Variants in TSNARE1 observed in about 807,000 individuals in gnomAD.
The protein encoded by TSNARE1 is t-SNARE domain containing 1.
Under a neutral mutation model 62.0 loss-of-function variants are expected in TSNARE1, and 49 were observed. The ratio of observed to expected loss-of-function variants is 0.79; its 90% CI spans 0.63 to 1.00. The LOEUF (loss-of-function observed/expected upper bound fraction) is 1.00. Among genes scored for constraint, TSNARE1 ranks in the 50% least tolerant of loss-of-function variants. The probability of loss-of-function intolerance (pLI) is 0.00; values close to 1 mark genes in which losing one functional copy is unlikely to be tolerated. For missense variants in TSNARE1, 755 were observed against 700.1 expected, an observed-to-expected ratio of 1.08 and a Z score of -0.88; for synonymous variants, 328 against 294.4, an observed-to-expected ratio of 1.11 and a Z score of -1.17.
At chr8:142,394,815 T>C (rs1162708667) in intron 1 of TSNARE1, among the ~76,000 whole-genome samples, 1 of 152,162 alleles carries the variant, frequency 6.6e-6, no homozygotes, top group Non-Finnish European at 1.5e-5. Flanking sequence ...CCAGCGTGCC[T>C]GTCCACGTCC....
chr8:142,216,200 C>T (rs1234900383), intron 13 of TSNARE1, among the ~76,000 whole-genome samples: 3 of 152,224 alleles, frequency 2.0e-5, no homozygotes, highest in African/African-American at 7.2e-5. Flanking sequence ...GAAGCTCCCA[C>T]CTCTGCCATG....
At chr8:142,226,556 T>C (rs529222499) in intron 13 of TSNARE1, among the ~76,000 whole-genome samples, 359 of 152,306 alleles carry the variant, frequency 2.4e-3, no homozygotes, top group Middle Eastern at 6.8e-3. Context: ...GACAGGATTC[T>C]GTCCAGACTC....
At chr8:142,242,817 C>T (rs1236683069) in intron 12 of TSNARE1, among the ~76,000 whole-genome samples, 4 of 152,032 alleles carry the variant, frequency 2.6e-5, no homozygotes, top group Admixed American at 1.3e-4. Context: ...CTAAAATTAA[C>T]TGGGCGTGGT....
At chr8:142,382,056 G>A (rs1208636051) in intron 1 of TSNARE1, among the ~76,000 whole-genome samples, 1 of 152,142 alleles carries the variant, frequency 6.6e-6, no homozygotes, top group East Asian at 1.9e-4. Context: ...CCGTTCCCAG[G>A]CCCACGCGCC....
Position 142,216,536 on chromosome 8 carries a change from C to T in TSNARE1, c.*12-4223G>A, listed in dbSNP as rs146419740. 1.5e-3 allele frequency among the ~76,000 whole-genome samples: 222 copies of T among 152,262 alleles called. 1 individual carries two copies. Among genetic ancestry groups the T allele is most frequent in the African/African-American group, 5.2e-3 (214 of 41,550 alleles). On this transcript the variant is annotated intron_variant, in intron 13 of 13. Transcript: ENST00000524325. Reference sequence around the variant, plus strand: ...TCAGGGAGATGAGGCTGGAGGGTGTCGGCCTCCCGGCCTGGCACAGCAGCA... The same window carrying T: ...TCAGGGAGATGAGGCTGGAGGGTGTTGGCCTCCCGGCCTGGCACAGCAGCA...
chr8:142,257,195 G>C (rs1478090767), intron 12 of TSNARE1, among the ~76,000 whole-genome samples: 1 of 152,176 alleles, frequency 6.6e-6, no homozygotes, highest in Non-Finnish European at 1.5e-5. Flanking sequence ...GGTGACCTTG[G>C]ACAGGGAACC....
At chr8:142,354,432 C>T (rs565066384) in intron 2 of TSNARE1, among the ~76,000 whole-genome samples, 3 of 152,288 alleles carry the variant, frequency 2.0e-5, no homozygotes, top group East Asian at 1.9e-4. Context: ...CAGGTCTGCC[C>T]ACACCCAGGA....
At chr8:142,353,519 C>CA (rs1169575465) in intron 2 of TSNARE1, among the ~76,000 whole-genome samples, 1 of 152,158 alleles carries the variant, frequency 6.6e-6, no homozygotes, top group African/African-American at 2.4e-5. Flanking sequence ...GTGATATCAC[C>CA]AATGGCCATC....
intron 1 of TSNARE1, among the ~76,000 whole-genome samples, chr8:142,382,512 G>A (rs1052637023): frequency 3.9e-5 from 6 of 152,160 alleles, no homozygotes; most frequent in Admixed American, 1.3e-4. Context: ...ATGCGGGCAG[G>A]GGGCAGGGAG....
At chr8:142,281,683 G>A (rs1821495146) in intron 11 of TSNARE1, among the ~76,000 whole-genome samples, 1 of 152,058 alleles carries the variant, frequency 6.6e-6, no homozygotes, top group African/African-American at 2.4e-5. Flanking sequence ...GGAAGCCAAG[G>A]GCAACCCCAT....
intron 12 of TSNARE1, among the ~76,000 whole-genome samples, chr8:142,262,834 C>T (rs970856382): frequency 6.6e-6 from 1 of 152,182 alleles, no homozygotes; most frequent in Non-Finnish European, 1.5e-5. Context: ...CGCCTCTTTT[C>T]TTTATAAATT....
chr8:142,280,483 T>G (rs1287674455), intron 11 of TSNARE1, among the ~76,000 whole-genome samples: 8 of 152,208 alleles, frequency 5.3e-5, no homozygotes, highest in African/African-American at 1.9e-4. Flanking sequence ...CAGGGGCCCT[T>G]CTGTCTCAGC....
intron 12 of TSNARE1, chr8:142,273,369 C>G (rs1230948685): frequency 1.0e-6 from 1 of 985,370 alleles, no homozygotes; most frequent in African/African-American, 1.7e-5. Context: ...CCACCTTGCC[C>G]GTCACCAGGC....
At chr8:142,375,580 C>T (rs1836268199) in intron 1 of TSNARE1, among the ~76,000 whole-genome samples, 1 of 152,222 alleles carries the variant, frequency 6.6e-6, no homozygotes, top group South Asian at 2.1e-4. Flanking sequence ...GGGCAGCCTT[C>T]GGTGCACCTC....
At chr8:142,401,894 G>C (rs572119270) in intron 1 of TSNARE1, among the ~76,000 whole-genome samples, 1 of 152,302 alleles carries the variant, frequency 6.6e-6, no homozygotes, top group South Asian at 2.1e-4. Flanking sequence ...GTCGGGGGAA[G>C]CACTCCAGTA....
At chr8:142,317,980 G>T (rs1275134761) in intron 7 of TSNARE1, among the ~76,000 whole-genome samples, 1 of 152,174 alleles carries the variant, frequency 6.6e-6, no homozygotes. Context: ...AAAAATTGCG[G>T]ACAGGGTGGA....
chr8:142,250,955 G>T (rs1345677970), intron 12 of TSNARE1, among the ~76,000 whole-genome samples: 1 of 152,224 alleles, frequency 6.6e-6, no homozygotes, highest in Non-Finnish European at 1.5e-5. Flanking sequence ...AGTAAAGGAA[G>T]GCCAAGGAAA....
intron 12 of TSNARE1, among the ~76,000 whole-genome samples, chr8:142,236,748 C>T (rs1287673454): frequency 6.6e-6 from 1 of 152,200 alleles, no homozygotes; most frequent in Non-Finnish European, 1.5e-5. Flanking sequence ...CTGTCTGCCC[C>T]AGTCCCTCTC....
intron 10 of TSNARE1, among the ~76,000 whole-genome samples, chr8:142,295,834 A>T (rs1586623636): frequency 6.6e-6 from 1 of 150,948 alleles, no homozygotes; most frequent in Non-Finnish European, 1.5e-5. Context: ...CCCTGCACTC[A>T]CCACACAGCC....
Sources: allele counts gnomAD v4.1 joint callset (sites outside exome capture counted in the v4.1 genomes callset), GRCh38; gene constraint gnomAD v4.1.1; transcripts MANE v1.5; gene names NCBI Gene and HGNC (gene_info 2026-07-23, HGNC 2026-07-21).